SLC4A4: variants seen among roughly 807,000 people sequenced by gnomAD.
SLC4A4 encodes the protein solute carrier family 4 member 4.
In SLC4A4, 27 loss-of-function variants were observed where a neutral mutation model predicts 111.5. That is an observed-to-expected ratio of 0.24 (90% confidence interval 0.18 to 0.33). SLC4A4 has a LOEUF of 0.33. SLC4A4 is among the 10% of genes least tolerant of loss of function. The pLI is 1.00. For missense variants in SLC4A4, 909 were observed against 1,315.5 expected (o/e 0.69, Z 4.78); for synonymous variants, 443 against 463.4 (o/e 0.96, Z 0.57).
At chr4:71,231,927 C>T (rs573141677) in intron 1 of SLC4A4, among the ~76,000 whole-genome samples, 4 of 152,162 alleles carry the variant, frequency 2.6e-5, no homozygotes, top group East Asian at 3.9e-4. Context: ...AGAGGATTTG[C>T]GGTGGGGAGG....
In SLC4A4 at chr4:71,552,409, T is replaced by C. The variant is rs146726814; in HGVS notation, c.2695-2731T>C. The stretch of plus-strand genomic sequence containing the variant: ...CACACACATACAGTGACGATTATTC[T>C]GCTAGAAGGTCTCACTGCTGTACTG... On this transcript the variant is annotated intron_variant, in intron 20 of 25. Coordinates refer to ENST00000264485, the MANE Select transcript of SLC4A4 (RefSeq NM_001098484.3). Among the ~76,000 whole-genome samples the C allele has an allele frequency of 6.3e-3, 958 of 151,754 alleles. 18 individuals are homozygous for C. Among genetic ancestry groups the C allele is most frequent in the Admixed American group, 0.028 (420 of 15,216 alleles).
At chr4:71,318,150 G>T (rs750770059) in intron 3 of SLC4A4, among the ~76,000 whole-genome samples, 12 of 151,958 alleles carry the variant, frequency 7.9e-5, no homozygotes, top group Non-Finnish European at 1.5e-4. Context: ...AGAAAAGACT[G>T]CAGTGGATGT....
At chr4:71,436,674 G>A (rs557438217) in intron 7 of SLC4A4, among the ~76,000 whole-genome samples, 83 of 152,202 alleles carry the variant, frequency 5.5e-4, no homozygotes, top group Admixed American at 9.2e-4. Context: ...CTACTTAGGA[G>A]ATGCAAAGAT....
rs146389684 is a variant in SLC4A4 at position 71,566,439 on chromosome 4, G to A, written c.3197-565G>A. Reference sequence around the variant, plus strand: ...TGAGGCTCATGGAAAAAGTTTATGTGCCATTTGCCCTTCATCCTCTCAAAA... The same window carrying A: ...TGAGGCTCATGGAAAAAGTTTATGTACCATTTGCCCTTCATCCTCTCAAAA... On this transcript the variant is annotated intron_variant, in intron 24 of 25. Coordinates refer to ENST00000264485, the MANE Select transcript of SLC4A4 (RefSeq NM_001098484.3). Among the ~76,000 whole-genome samples, 29 of 151,844 alleles carry A rather than the reference G, an allele frequency of 1.9e-4. No homozygotes were observed. The East Asian group carries it at 5.5e-3, about 29-fold the overall frequency.
intron 2 of SLC4A4, among the ~76,000 whole-genome samples, chr4:71,124,825 G>T (rs1211185627): frequency 1.3e-5 from 2 of 152,142 alleles, no homozygotes; most frequent in Admixed American, 6.6e-5. Context: ...CAATCCATTG[G>T]CCTAGGCAAG....
At chr4:71,240,644 G>T (rs144911769) in intron 2 of SLC4A4, among the ~76,000 whole-genome samples, 19 of 152,242 alleles carry the variant, frequency 1.2e-4, no homozygotes, top group African/African-American at 4.6e-4. Flanking sequence ...GAATTTACAG[G>T]AGGATTGTTT....
rs1036482137 is a variant in SLC4A4, at chr4:71,243,849, T to C, written c.73+7200T>C. 2.6e-5 allele frequency among the ~76,000 whole-genome samples: 4 copies of C among 152,208 alleles called. No homozygotes were observed. In the East Asian group the frequency reaches 7.7e-4, roughly 29 times the overall value. On this transcript the variant is annotated intron_variant, in intron 2 of 25. Transcript: ENST00000264485. ...GTGTGTACCTTTCTTCATATTCTGT[T>C]GATTTTTGGAAGAACAGACTCTACT...
At chr4:71,440,553 TAATAGTAATTCCACAGGAACCTTGTGG>T in intron 7 of SLC4A4, 36 bp from the exon 8 acceptor site, 1 of 1,586,218 alleles carries the variant, frequency 6.3e-7, no homozygotes, top group South Asian at 1.1e-5. Flanking sequence ...TCTCTGGAAC[TAATAGTAATTCCACAGGAACCTTGTGG>T]AACTAAATTG....
At chr4:71,546,963 G>A (rs976677806) in intron 19 of SLC4A4, among the ~76,000 whole-genome samples, 1 of 151,826 alleles carries the variant, frequency 6.6e-6, no homozygotes. Context: ...ACCTCCAGAC[G>A]TTCAATTTGG....
At chr4:71,300,277 G>T in intron 3 of SLC4A4, 1 of 211,964 alleles carries the variant, frequency 4.7e-6, no homozygotes, top group South Asian at 9.5e-5. Flanking sequence ...CCATAGCACG[G>T]GCACACGGCC....
intron 7 of SLC4A4, among the ~76,000 whole-genome samples, chr4:71,413,417 GT>G (rs1030481514): frequency 1.3e-5 from 2 of 152,114 alleles, no homozygotes; most frequent in Non-Finnish European, 2.9e-5. Context: ...GCAACTGGAT[GT>G]TTTATTGACA....
intron 7 of SLC4A4, among the ~76,000 whole-genome samples, chr4:71,412,852 G>T (rs1721480043): frequency 6.6e-6 from 1 of 152,146 alleles, no homozygotes; most frequent in South Asian, 2.1e-4. Flanking sequence ...ACTGGGTGGG[G>T]TATTATAAAC....
chr4:71,317,002 G>A (rs1471899571), intron 3 of SLC4A4, among the ~76,000 whole-genome samples: 3 of 151,956 alleles, frequency 2.0e-5, no homozygotes, highest in East Asian at 3.9e-4. Flanking sequence ...CTACAGGCGT[G>A]CACCAGTATG....
intron 2 of SLC4A4, among the ~76,000 whole-genome samples, chr4:71,139,179 T>TTGTGTG (rs57359640): frequency 0.016 from 2,260 of 144,490 alleles, 38 homozygotes; most frequent in African/African-American, 0.033. Flanking sequence ...TCCCTTTTCT[T>TTGTGTG]TGTGTGTGTG....
Position 71,357,085 on chromosome 4 carries a change from C to T in SLC4A4, c.628C>T (p.Arg210Trp), listed in dbSNP as rs1337721443. ...LKDKVTYTLL[R>W]KHRHQTKKSN... ...GGATAAGGTGACCTATACTTTGCTC[C>T]GGAAGCACCGGCATCAAACCAAGAA... Residue 210 changes from arginine to tryptophan, a missense_variant, in exon 6 of 26, where the codon CGG becomes TGG. By Grantham distance (101) the Arg-to-Trp change is moderately radical. Around this residue, in one of 7 missense-constraint regions of SLC4A4, gnomAD observed 312 missense variants for 402.0 expected, o/e 0.78. Transcript: ENST00000264485. 6.2e-7 allele frequency: 1 copy of T among 1,614,074 alleles called. No individual in the cohort carries two copies. The highest frequency in any genetic ancestry group is 8.5e-7 in the Non-Finnish European group (1 of 1,179,990).
chr4:71,351,909 G>A (rs1431887872), intron 5 of SLC4A4, among the ~76,000 whole-genome samples: 6 of 152,172 alleles, frequency 3.9e-5, no homozygotes, highest in African/African-American at 9.7e-5. Flanking sequence ...TTTGTAGTTA[G>A]AAAATAATGG....
chr4:71,298,359 G>T (rs1724971506), intron 3 of SLC4A4, among the ~76,000 whole-genome samples: 1 of 152,198 alleles, frequency 6.6e-6, no homozygotes, highest in Non-Finnish European at 1.5e-5. Context: ...GTGGAGAAAA[G>T]AGGAGGCACA....
intron 6 of SLC4A4, among the ~76,000 whole-genome samples, chr4:71,390,034 A>C (rs1719117346): frequency 6.6e-6 from 1 of 152,146 alleles, no homozygotes. Context: ...CTAATATTTA[A>C]AATATTTTTG....
At chr4:71,428,481 T>C (rs944067580) in intron 7 of SLC4A4, among the ~76,000 whole-genome samples, 6 of 152,022 alleles carry the variant, frequency 3.9e-5, no homozygotes, top group Admixed American at 6.6e-5. Context: ...GTAGGTATGG[T>C]GATCTTACTT....
Sources: gnomAD v4.1 joint callset for allele counts (sites outside exome capture counted in the v4.1 genomes callset) on GRCh38, gnomAD v4.1.1 for gene constraint, gnomAD v4.1.1 regional missense constraint, MANE v1.5 for transcripts, NCBI Gene and HGNC (gene_info 2026-07-23, HGNC 2026-07-21) for gene names.